Variants in MINDY4 observed in about 807,000 individuals in gnomAD.
The protein encoded by MINDY4 is MINDY lysine 48 deubiquitinase 4.
A neutral mutation model predicts 87.0 loss-of-function variants in MINDY4; 68 were observed. The ratio of observed to expected loss-of-function variants is 0.78; its 90% confidence interval spans 0.64 to 0.96. The LOEUF (loss-of-function observed/expected upper bound fraction) is 0.96. Among genes scored for constraint, MINDY4 ranks in the 40% least tolerant of loss-of-function variants. The probability of loss-of-function intolerance (pLI) is 0.00; values close to 1 mark genes in which losing one functional copy is unlikely to be tolerated. For synonymous variants in MINDY4, 379 were observed against 363.2 expected, an observed-to-expected ratio of 1.04 and a Z score of -0.50; for missense variants, 919 against 928.2, an observed-to-expected ratio of 0.99 and a Z score of 0.13.
chr7:30,873,009 C>T (rs560444346), intron 14 of MINDY4, among the ~76,000 whole-genome samples: 14 of 152,350 alleles, frequency 9.2e-5, no homozygotes, highest in African/African-American at 2.2e-4. Context: ...GTAGCATGGA[C>T]GGGCTGGACA....
chr7:30,888,726 G>C (rs994532878), intron 17 of MINDY4, among the ~76,000 whole-genome samples: 2 of 152,196 alleles, frequency 1.3e-5, no homozygotes, highest in Non-Finnish European at 2.9e-5. Context: ...AAATGTCTCT[G>C]CTTTGATTTT....
intron 13 of MINDY4, among the ~76,000 whole-genome samples, chr7:30,864,653 G>A (rs1253667856): frequency 6.6e-6 from 1 of 152,234 alleles, no homozygotes. Flanking sequence ...CCGTGGCCAG[G>A]CCTGGGCTGC....
At chr7:30,778,593 G>A (rs1227532065) in intron 2 of MINDY4, 42 bp downstream of exon 2, 1 of 1,612,020 alleles carries the variant, frequency 6.2e-7, no homozygotes, top group African/African-American at 1.3e-5. Flanking sequence ...TTGGAACTGA[G>A]TTTGGCACTG....
intron 13 of MINDY4, among the ~76,000 whole-genome samples, chr7:30,861,492 T>C (rs1789766799): frequency 6.6e-6 from 1 of 152,232 alleles, no homozygotes; most frequent in Admixed American, 6.5e-5. Flanking sequence ...CTGGTGGCCT[T>C]GGGCCCCACC....
At chr7:30,833,516 A>G (rs1013777082) in intron 6 of MINDY4, among the ~76,000 whole-genome samples, 5 of 152,208 alleles carry the variant, frequency 3.3e-5, no homozygotes, top group African/African-American at 4.8e-5. Context: ...CTACAAGATG[A>G]GATTTGGGTG....
At chr7:30,779,169 A>G (rs1441719517) in intron 2 of MINDY4, among the ~76,000 whole-genome samples, 1 of 152,180 alleles carries the variant, frequency 6.6e-6, no homozygotes, top group South Asian at 2.1e-4. Flanking sequence ...TTTTGTGTTT[A>G]TCACATTGGC....
intron 14 of MINDY4, among the ~76,000 whole-genome samples, chr7:30,872,607 G>A (rs960244022): frequency 2.6e-5 from 4 of 152,210 alleles, no homozygotes; most frequent in African/African-American, 4.8e-5. Flanking sequence ...TACACAGCCC[G>A]GAGCCCAGGA....
chr7:30,876,789 G>T (rs571845099), intron 15 of MINDY4, among the ~76,000 whole-genome samples: 2 of 152,204 alleles, frequency 1.3e-5, no homozygotes, highest in South Asian at 4.1e-4. Flanking sequence ...ATTCTTGGAG[G>T]GTCCGGATGA....
In MINDY4 at chr7:30,875,482, C is replaced by T. The variant is rs376430692; in HGVS notation, c.1810-13C>T. ...CAGACTTGATGAGTCTTTCCCCTTT[C>T]TCTCATCTGCAGGAACTTGTCAATC... On this transcript the variant is annotated splice_polypyrimidine_tract_variant and intron_variant, in intron 14 of 17. Transcript: ENST00000265299. 3.1e-6 allele frequency: 5 copies of T among 1,613,950 alleles called. No homozygotes were observed. In the African/African-American group the frequency reaches 5.3e-5, roughly 17 times the overall value.
chr7:30,801,463 A>G (rs1462697809), intron 5 of MINDY4, among the ~76,000 whole-genome samples: 1 of 152,034 alleles, frequency 6.6e-6, no homozygotes, highest in Non-Finnish European at 1.5e-5. Flanking sequence ...TGTGGTGGAT[A>G]CAGCTGTCCT....
At chr7:30,870,597 G>A (rs755254717) in intron 13 of MINDY4, among the ~76,000 whole-genome samples, 3 of 152,194 alleles carry the variant, frequency 2.0e-5, no homozygotes, top group Non-Finnish European at 2.9e-5. Flanking sequence ...GTTTGGCCAT[G>A]GTTATTAAAA....
In MINDY4 at chr7:30,801,784, G is replaced by T. The variant is rs186538870; in HGVS notation, c.1073+10210G>T. Among the ~76,000 whole-genome samples, 5 of 152,308 alleles carry T rather than the reference G, an allele frequency of 3.3e-5. No individual in the cohort carries two copies. The East Asian group carries it at 9.7e-4, about 29-fold the overall frequency. On this transcript the variant is annotated intron_variant, in intron 5 of 17. Transcript: ENST00000265299. ...ATCTGATGCGTCTGCAGAGGAAAGA[G>T]ATTTCCCTTGACTCAGATTTCCTTT... is the stretch of plus-strand genomic sequence containing the variant.
chr7:30,826,498 A>T (rs1744223859), intron 5 of MINDY4, among the ~76,000 whole-genome samples: 1 of 152,228 alleles, frequency 6.6e-6, no homozygotes, highest in African/African-American at 2.4e-5. Context: ...TTATGAAAAG[A>T]TATAGAGACA....
chr7:30,815,684 A>G lies in MINDY4; in HGVS notation c.1074-12995A>G, dbSNP rs569586680. On this transcript the variant is annotated intron_variant, in intron 5 of 17. Transcript: ENST00000265299. ...TAGAGATCACTTTTCCTTCGAGAAGATATTTTTCTCTCCCTGGGGTAACAT... is the reference window on the plus strand; with the variant it reads ...TAGAGATCACTTTTCCTTCGAGAAGGTATTTTTCTCTCCCTGGGGTAACAT... Among the ~76,000 whole-genome samples the G allele has an allele frequency of 3.0e-4, 46 of 152,238 alleles. 1 individual carries two copies. Among genetic ancestry groups the G allele is most frequent in the South Asian group, 1.0e-3 (5 of 4,814 alleles).
intron 5 of MINDY4, among the ~76,000 whole-genome samples, chr7:30,802,376 C>T (rs76671682): frequency 0.038 from 5,813 of 152,136 alleles, 147 homozygotes; most frequent in Middle Eastern, 0.099. Flanking sequence ...TTGATTATCT[C>T]ACCCTAATCC....
intron 1 of MINDY4, among the ~76,000 whole-genome samples, chr7:30,773,140 T>C (rs1386551435): frequency 6.6e-6 from 1 of 152,226 alleles, no homozygotes. Context: ...TACTGCTTTC[T>C]CATCGCCTTC....
chr7:30,875,727 G>T lies in MINDY4; in HGVS notation c.1971+71G>T, dbSNP rs2128579597. 2.7e-6 allele frequency: 4 copies of T among 1,506,578 alleles called. No individual in the cohort carries two copies. The South Asian group carries it at 5.3e-5, about 20-fold the overall frequency. 93.3% of individuals were successfully genotyped at this position (1,506,578 alleles called of 1,614,324 possible). On this transcript the variant is annotated intron_variant, in intron 15 of 17. Transcript: ENST00000265299. ...CTGGAGCAATGAGGAGGGAAGTGGG[G>T]AAGGAAAGCTGGACTCCACTTCTCA...
intron 11 of MINDY4, 32 bp downstream of exon 11, chr7:30,852,311 T>C: frequency 6.2e-7 from 1 of 1,613,722 alleles, no homozygotes; most frequent in Non-Finnish European, 8.5e-7. Context: ...TCACGCAAAC[T>C]TTGGCTTTGT....
intron 5 of MINDY4, among the ~76,000 whole-genome samples, chr7:30,792,722 G>C (rs1458431725): frequency 6.6e-6 from 1 of 151,472 alleles, no homozygotes; most frequent in African/African-American, 2.4e-5. Flanking sequence ...TTTCATTCCT[G>C]TGATTGGTAA....
Sources: gnomAD v4.1 joint callset for allele counts (sites outside exome capture counted in the v4.1 genomes callset) on GRCh38, gnomAD v4.1.1 for gene constraint, MANE v1.5 for transcripts, NCBI Gene and HGNC (gene_info 2026-07-23, HGNC 2026-07-21) for gene names.